The following C7 variants were observed in gnomAD, a reference collection of about 807,000 sequenced individuals.
The protein encoded by C7 is complement component C7.
In C7, 83 loss-of-function variants were observed where a neutral mutation model predicts 104.8. That is an observed-to-expected ratio of 0.79 (90% CI 0.66 to 0.95). The LOEUF (loss-of-function observed/expected upper bound fraction) is 0.95. Ranked by LOEUF, C7 falls within the 40% of genes least tolerant of loss-of-function variation. The pLI is 0.00. For missense variants in C7, 1,070 were observed against 1,011.2 expected, an observed-to-expected ratio of 1.06 and a Z score of -0.79; for synonymous variants, 415 against 360.6, an observed-to-expected ratio of 1.15 and a Z score of -1.71.
chr5:40,939,843 G>A (rs1179833418), intron 6 of C7, among the ~76,000 whole-genome samples: 1 of 152,210 alleles, frequency 6.6e-6, no homozygotes, highest in East Asian at 1.9e-4. Context: ...TATTAACAAC[G>A]TGATCCTGAC....
chr5:40,928,786 A>G (rs967199887), intron 2 of C7, among the ~76,000 whole-genome samples, 151 bp downstream of exon 2: 1 of 152,228 alleles, frequency 6.6e-6, no homozygotes, highest in African/African-American at 2.4e-5. Flanking sequence ...AATGATAACA[A>G]AAGCATGTGT....
At position 40,947,864 on chromosome 5, in the gene C7, C is replaced by T. The variant is rs762882042; in HGVS notation, c.982+19C>T. The T allele has an allele frequency of 2.8e-5, 45 of 1,608,064 alleles. No homozygotes were observed. Among genetic ancestry groups the T allele is most frequent in the Middle Eastern group, 3.4e-4 (2 of 5,878 alleles). ...CAAAATGGTACAGTATTAAAAAATT[C>T]GTTGTCTAAAGGCATTTCTGGGATT... On this transcript the variant is annotated intron_variant, in intron 8 of 17. Coordinates refer to ENST00000313164, the MANE Select transcript of C7 (RefSeq NM_000587.4).
At chr5:40,968,588 ATATATATATATATTTTTTTTTTTT>A (rs1487298677) in intron 14 of C7, among the ~76,000 whole-genome samples, 182 of 46,184 alleles carry the variant, frequency 3.9e-3, no homozygotes, top group Non-Finnish European at 5.0e-3. Flanking sequence ...ATATATATAT[ATATATATATATATTTTTTTTTTTT>A]TTTTTTTTTT....
intron 1 of C7, among the ~76,000 whole-genome samples, chr5:40,916,721 A>G (rs530560707): frequency 6.6e-6 from 1 of 152,182 alleles, no homozygotes; most frequent in East Asian, 1.9e-4. Flanking sequence ...TTTTTAAAAA[A>G]GCATTTATTT....
intron 11 of C7, among the ~76,000 whole-genome samples, chr5:40,958,640 C>A (rs1426500335): frequency 6.6e-6 from 1 of 152,266 alleles, no homozygotes; most frequent in East Asian, 1.9e-4. Flanking sequence ...ATTTCTATTT[C>A]TATTCTGTGT....
At chr5:40,950,277 C>T (rs1478857409) in intron 9 of C7, among the ~76,000 whole-genome samples, 1 of 152,148 alleles carries the variant, frequency 6.6e-6, no homozygotes, top group Non-Finnish European at 1.5e-5. Context: ...TCATTTAGCT[C>T]CTGCATATAT....
At chr5:40,973,805 T>C (rs545545983) in intron 15 of C7, among the ~76,000 whole-genome samples, 4 of 152,368 alleles carry the variant, frequency 2.6e-5, no homozygotes, top group African/African-American at 9.6e-5. Context: ...TGTAGACTAG[T>C]CTGTCTAAAA....
chr5:40,946,235 T>C (rs1740047252), intron 7 of C7, among the ~76,000 whole-genome samples: 2 of 152,300 alleles, frequency 1.3e-5, no homozygotes, highest in South Asian at 4.2e-4. Flanking sequence ...CTTCATTGTT[T>C]TGAAATACTA....
chr5:40,974,855 G>A (rs1207003820), intron 15 of C7, among the ~76,000 whole-genome samples: 2 of 152,158 alleles, frequency 1.3e-5, no homozygotes, highest in African/African-American at 2.4e-5. Context: ...CTAGATTAAG[G>A]CTTCTCAACC....
In C7 at chr5:40,937,488, A is replaced by G. The variant is rs561603976; in HGVS notation, c.429-64A>G. On this transcript the variant is annotated intron_variant, in intron 5 of 17. Coordinates refer to ENST00000313164, the MANE Select transcript of C7 (RefSeq NM_000587.4). The stretch of plus-strand genomic sequence containing the variant: ...TCTGTAATAAACTTTTTTCCCCACC[A>G]AGTGCTATTTCTGGTTTTTAACGGC... 150 of 1,522,682 alleles carry G rather than the reference A, an allele frequency of 9.9e-5. No individual in the cohort carries two copies. The East Asian group carries it at 3.0e-3, about 30-fold the overall frequency. The allele number at this position is 1,522,682 out of a possible 1,614,324, so 94.3% of individuals were successfully genotyped here. A position where few individuals can be genotyped will look rare whatever the true frequency, so the allele number is the denominator to read the frequency against.
In C7 at chr5:40,955,460, T is replaced by G; in HGVS notation, c.1167T>G (p.Ser389Arg). 6.2e-7 allele frequency: 1 copy of G among 1,613,310 alleles called. No homozygotes were observed. Among genetic ancestry groups the G allele is most frequent in the Non-Finnish European group, 8.5e-7 (1 of 1,179,542 alleles). The change falls in exon 10 of 18, where the codon AGT (serine) becomes AGG (arginine). Residue 389 changes from serine to arginine, a missense_variant. Transcript: ENST00000313164. ...GTGCAGGCTTCATATCTGGCCTTAG[T>G]TACCTAGAGCTGGACAATCCTGCTG... Reference protein sequence around the residue: ...GGGAGFISGLSYLELDNPAGN... With the variant: ...GGGAGFISGLRYLELDNPAGN...
intron 17 of C7, among the ~76,000 whole-genome samples, chr5:40,981,001 G>T (rs1450665): frequency 0.27 from 40,559 of 152,026 alleles, 5,751 homozygotes; most frequent in Middle Eastern, 0.38. Flanking sequence ...CTCTCTCAAA[G>T]CAAGTTAAGT....
At chr5:40,949,883 C>G (rs1284599066) in intron 8 of C7, 21 bp from the exon 9 acceptor site, 1 of 1,421,450 alleles carries the variant, frequency 7.0e-7, no homozygotes, top group Non-Finnish European at 9.8e-7. Flanking sequence ...AAACATGTCT[C>G]TTTTACATTT....
chr5:40,934,245 A>G (rs947188839), intron 3 of C7, 80 bp from the exon 4 acceptor site: 2 of 1,305,970 alleles, frequency 1.5e-6, no homozygotes, highest in Admixed American at 6.6e-5. Flanking sequence ...CTCAGATTTT[A>G]TTACTCAGAT....
chr5:40,925,373 C>T (rs1739530714), intron 1 of C7, among the ~76,000 whole-genome samples: 1 of 152,186 alleles, frequency 6.6e-6, no homozygotes, highest in Non-Finnish European at 1.5e-5. Flanking sequence ...ATAAGTTTCT[C>T]ATTTCCATCT....
chr5:40,929,673 C>T (rs1022110266), intron 2 of C7, among the ~76,000 whole-genome samples: 3 of 152,204 alleles, frequency 2.0e-5, no homozygotes, highest in African/African-American at 7.2e-5. Context: ...CTTCCTTAGT[C>T]TCTTAAAGCT....
chr5:40,977,393 A>C, intron 16 of C7, among the ~76,000 whole-genome samples: 1 of 152,336 alleles, frequency 6.6e-6, no homozygotes. Context: ...AAGCTTTATT[A>C]GCAGAAATAT....
chr5:40,913,028 C>T (rs1409992199), intron 1 of C7, among the ~76,000 whole-genome samples: 1 of 152,134 alleles, frequency 6.6e-6, no homozygotes, highest in Non-Finnish European at 1.5e-5. Context: ...TATTTAGCTC[C>T]TACTTGTAAG....
intron 5 of C7, chr5:40,937,333 AT>A: frequency 3.2e-6 from 1 of 315,364 alleles, no homozygotes; most frequent in Non-Finnish European, 5.8e-6. Flanking sequence ...TTTCTGAGCC[AT>A]TAGTTTTAGT....
Sources: allele counts gnomAD v4.1 joint callset (sites outside exome capture counted in the v4.1 genomes callset), GRCh38; gene constraint gnomAD v4.1.1; transcripts MANE v1.5; gene names NCBI Gene and HGNC (gene_info 2026-07-23, HGNC 2026-07-21).